The following PRKN variants were observed in gnomAD, a reference collection of about 807,000 sequenced individuals.
The protein encoded by PRKN is parkin RBR E3 ubiquitin protein ligase.
A neutral mutation model predicts 59.5 loss-of-function variants in PRKN; 56 were observed. The ratio of observed to expected loss-of-function variants is 0.94; its 90% CI spans 0.76 to 1.18. PRKN has a LOEUF of 1.18. Among genes scored for constraint, PRKN ranks in the 50% most tolerant of loss-of-function variants. The pLI is 0.00. For missense variants in PRKN, 657 were observed against 596.4 expected (o/e 1.10, Z -1.06); for synonymous variants, 250 against 222.1 (o/e 1.13, Z -1.12).
chr6:162,296,697 G>A (rs1781692968), intron 2 of PRKN, among the ~76,000 whole-genome samples: 1 of 151,904 alleles, frequency 6.6e-6, no homozygotes, highest in Non-Finnish European at 1.5e-5. Flanking sequence ...ATACCCAGCA[G>A]GAAAAAAGCC....
At chr6:162,306,666 G>A (rs1182316034) in intron 2 of PRKN, among the ~76,000 whole-genome samples, 1 of 152,194 alleles carries the variant, frequency 6.6e-6, no homozygotes, top group Non-Finnish European at 1.5e-5. Context: ...CAACTACTAT[G>A]TGTCCGGTAC....
chr6:161,667,179 A>G (rs1263265363), intron 7 of PRKN, among the ~76,000 whole-genome samples: 2 of 152,174 alleles, frequency 1.3e-5, no homozygotes, highest in Admixed American at 6.5e-5. Context: ...AAAACTCAGC[A>G]GGAGTTTTAG....
intron 2 of PRKN, among the ~76,000 whole-genome samples, chr6:162,414,822 C>G (rs1788545566): frequency 6.6e-6 from 1 of 151,090 alleles, no homozygotes; most frequent in African/African-American, 2.4e-5. Flanking sequence ...AGTGAGCATT[C>G]TTAAAACTGA....
intron 6 of PRKN, among the ~76,000 whole-genome samples, chr6:161,959,608 T>C (rs1780307141): frequency 6.6e-6 from 1 of 152,244 alleles, no homozygotes; most frequent in Non-Finnish European, 1.5e-5. Flanking sequence ...TATTAAAATA[T>C]ATTTGCTTGT....
chr6:161,655,050 A>C (rs1317684123), intron 7 of PRKN, among the ~76,000 whole-genome samples: 1 of 152,200 alleles, frequency 6.6e-6, no homozygotes, highest in East Asian at 1.9e-4. Context: ...CCTCATCACC[A>C]CCAAGGTGCA....
intron 7 of PRKN, among the ~76,000 whole-genome samples, chr6:161,648,270 C>G (rs1387295325): frequency 6.6e-6 from 1 of 152,102 alleles, no homozygotes; most frequent in Non-Finnish European, 1.5e-5. Context: ...GTAATAAAAG[C>G]CTCAAAGTCA....
chr6:162,648,449 T>C (rs1778285015), intron 1 of PRKN, among the ~76,000 whole-genome samples: 1 of 151,816 alleles, frequency 6.6e-6, no homozygotes, highest in Admixed American at 6.6e-5. Context: ...TGGTGCCATC[T>C]TGACTCACTG....
intron 1 of PRKN, among the ~76,000 whole-genome samples, chr6:162,493,465 T>G (rs1253699555): frequency 6.6e-6 from 1 of 152,154 alleles, no homozygotes; most frequent in East Asian, 1.9e-4. Flanking sequence ...ATTCCACAAA[T>G]AGAGTTATCA....
At chr6:161,495,763 C>T (rs1777725266) in intron 9 of PRKN, among the ~76,000 whole-genome samples, 1 of 152,154 alleles carries the variant, frequency 6.6e-6, no homozygotes, top group Admixed American at 6.5e-5. Context: ...ATGACAAGCA[C>T]GGTCATCTTC....
At chr6:161,493,565 G>A (rs901565881) in intron 9 of PRKN, among the ~76,000 whole-genome samples, 2 of 152,180 alleles carry the variant, frequency 1.3e-5, no homozygotes, top group African/African-American at 4.8e-5. Context: ...AAGGACTAAC[G>A]GGGGTTGCAG....
chr6:161,969,121 T>G (rs537155932), intron 6 of PRKN, among the ~76,000 whole-genome samples: 1 of 152,126 alleles, frequency 6.6e-6, no homozygotes, highest in Non-Finnish European at 1.5e-5. Flanking sequence ...TAGAGCAGTG[T>G]TTCTGGAAAG....
At chr6:161,922,381 T>G (rs188104913) in intron 6 of PRKN, among the ~76,000 whole-genome samples, 7 of 152,334 alleles carry the variant, frequency 4.6e-5, no homozygotes, top group African/African-American at 1.7e-4. Context: ...TGCCCTGGTA[T>G]GCAAAATGGA....
intron 1 of PRKN, chr6:162,568,779 G>A (rs1780192880): frequency 1.6e-5 from 12 of 741,242 alleles, no homozygotes; most frequent in East Asian, 2.5e-5. Flanking sequence ...TCTGGTCCAG[G>A]AGAAGCTGAA....
chr6:161,643,090 A>G (rs1440240546), intron 7 of PRKN, among the ~76,000 whole-genome samples: 1 of 152,238 alleles, frequency 6.6e-6, no homozygotes. Context: ...GTAATTCTGC[A>G]TGCAAATAGC....
intron 5 of PRKN, among the ~76,000 whole-genome samples, chr6:162,013,754 A>T (rs1173444382): frequency 6.6e-6 from 1 of 152,192 alleles, no homozygotes; most frequent in African/African-American, 2.4e-5. Flanking sequence ...TATAGAAATG[A>T]CAACTCAGAA....
chr6:162,281,743 G>T (rs537036301), intron 2 of PRKN, among the ~76,000 whole-genome samples: 1 of 152,286 alleles, frequency 6.6e-6, no homozygotes, highest in South Asian at 2.1e-4. Context: ...GGTCTCTAAA[G>T]TGAATAAGCA....
At chr6:162,614,228 A>C (rs923602884) in intron 1 of PRKN, among the ~76,000 whole-genome samples, 7 of 152,086 alleles carry the variant, frequency 4.6e-5, no homozygotes, top group Non-Finnish European at 1.0e-4. Flanking sequence ...CCAGTTAGTT[A>C]CTAGGTGAGT....
intron 2 of PRKN, among the ~76,000 whole-genome samples, chr6:162,347,907 C>T (rs1385778795): frequency 6.6e-6 from 1 of 152,184 alleles, no homozygotes; most frequent in South Asian, 2.1e-4. Flanking sequence ...ATTACTCCAA[C>T]TTACTGCCTT....
intron 4 of PRKN, among the ~76,000 whole-genome samples, chr6:162,192,442 A>ATTTTTTTTGTTTTTTTTTTTTTTTT (rs1784320376): frequency 1.3e-5 from 1 of 74,692 alleles, no homozygotes. Flanking sequence ...AATTATAGGG[A>ATTTTTTTTGTTTTTTTTTTTTTTTT]TTTTTTTTTT....
Sources: allele counts gnomAD v4.1 joint callset (sites outside exome capture counted in the v4.1 genomes callset), GRCh38; gene constraint gnomAD v4.1.1; transcripts MANE v1.5; gene names NCBI Gene and HGNC (gene_info 2026-07-23, HGNC 2026-07-21).